FBXO10: variants seen among roughly 807,000 people sequenced by gnomAD.
FBXO10 encodes F-box only protein 10.
A neutral mutation model predicts 80.7 loss-of-function variants in FBXO10; 39 were observed. That is an observed-to-expected ratio of 0.48 (90% confidence interval 0.37 to 0.63). The LOEUF (loss-of-function observed/expected upper bound fraction) is 0.63, where lower values mean the gene tolerates loss of function less well. Among genes scored for constraint, FBXO10 ranks in the 30% least tolerant of loss-of-function variants. The pLI, the probability that FBXO10 is intolerant of heterozygous loss-of-function variation, is 0.00. For missense variants in FBXO10, 1,025 were observed against 1,269.0 expected (o/e 0.81, Z 2.92); for synonymous variants, 449 against 489.6 (o/e 0.92, Z 1.09).
chr9:37,516,036 C>T lies in FBXO10; in HGVS notation c.2564G>A (p.Arg855Gln), dbSNP rs569336061. ...CTGCACCAGGGCCTTGGCACGGCCCCGCACGGCGATGCCGTAGGCCCGGAA... is the reference window on the plus strand; with the variant it reads ...CTGCACCAGGGCCTTGGCACGGCCCTGCACGGCGATGCCGTAGGCCCGGAA... The part of the protein sequence containing the change: ...HSFRAYGIAV[R>Q]GRAKALVQEN... Residue 855 changes from arginine (R) to glutamine (Q), a missense_variant, in exon 10 of 11, where the codon CGG (arginine) becomes CAG (glutamine). Physicochemically the swap from Arg to Gln is conservative, Grantham distance 43 (BLOSUM62 1). This residue lies in a region of FBXO10 where 478 missense variants were observed against 667.8 expected (regional missense o/e 0.72). Transcript: ENST00000432825. The T allele has an allele frequency of 3.5e-5, 57 of 1,613,966 alleles. No homozygotes were observed. Among genetic ancestry groups the T allele is most frequent in the Middle Eastern group, 3.3e-4 (2 of 6,060 alleles).
chr9:37,523,424 C>T (rs932945848), intron 6 of FBXO10, among the ~76,000 whole-genome samples: 2 of 151,842 alleles, frequency 1.3e-5, no homozygotes, highest in African/African-American at 2.4e-5. Flanking sequence ...TGTGGTGGTG[C>T]GTGCCTGTAG....
chr9:37,512,511 C>T lies in FBXO10; in HGVS notation c.*36G>A. The T allele has an allele frequency of 6.3e-7, 1 of 1,594,090 alleles. No homozygotes were observed. Among genetic ancestry groups the T allele is most frequent in the Non-Finnish European group, 8.6e-7 (1 of 1,166,350 alleles). On this transcript the variant is annotated 3_prime_UTR_variant, in exon 11 of 11. Coordinates refer to ENST00000432825, the MANE Select transcript of FBXO10 (RefSeq NM_012166.3). The stretch of plus-strand genomic sequence containing the variant: ...ATTTCCACCTTAGCTCCTCTGAGCA[C>T]CCATCCAGGCTTGGCCCTGAAGCAG...
At chr9:37,560,585 A>G (rs1822453088) in intron 1 of FBXO10, among the ~76,000 whole-genome samples, 1 of 152,052 alleles carries the variant, frequency 6.6e-6, no homozygotes, top group Non-Finnish European at 1.5e-5. Context: ...ACACTAATCC[A>G]TGGAGATTCA....
intron 1 of FBXO10, among the ~76,000 whole-genome samples, chr9:37,559,099 G>A (rs575158437): frequency 6.6e-6 from 1 of 152,238 alleles, no homozygotes; most frequent in African/African-American, 2.4e-5. Context: ...ATGAGCCACC[G>A]CGCCTGGCCG....
chr9:37,542,908 C>A (rs1821962504), intron 1 of FBXO10, among the ~76,000 whole-genome samples: 1 of 152,150 alleles, frequency 6.6e-6, no homozygotes. Context: ...AAGAGGGAAC[C>A]CACCTTTGGC....
rs771929732 is a variant in FBXO10, at chr9:37,521,722, T to C, written c.2047A>G (p.Ser683Gly). 1 of 1,613,976 alleles carries C rather than the reference T, an allele frequency of 6.2e-7. No homozygotes were observed. Among genetic ancestry groups the C allele is most frequent in the South Asian group, 1.1e-5 (1 of 91,082 alleles). ...VAVFSQKDGS[S>G]ELPRGHRAQE... ...GCCCTGTGGCCTCGAGGTAACTCGC[T>C]GGAGCCATCCTTCTGGCTAAATACT... Residue 683 changes from serine to glycine, a missense_variant, in exon 8 of 11, where the codon AGC becomes GGC. Transcript: ENST00000432825.
In FBXO10 at chr9:37,566,459, GAAAAAAAA is replaced by G. The variant is rs397894696; in HGVS notation, c.-7+9744_-7+9751del. ...GACAACAAAGTGAGACTCTGTCTCG[GAAAAAAAA>G]AAAAAAAAAGTGGAAAAAAAAATCA... On this transcript the variant is annotated intron_variant, in intron 1 of 10. Coordinates refer to ENST00000432825, the MANE Select transcript of FBXO10 (RefSeq NM_012166.3). Among the ~76,000 whole-genome samples, 4 of 64,342 alleles carry G rather than the reference GAAAAAAAA, an allele frequency of 6.2e-5. No homozygotes were observed. The Admixed American group carries it at 6.3e-4, about 10-fold the overall frequency. 42.2% of individuals were successfully genotyped at this position (64,342 alleles called of 152,430 possible). A position where few individuals can be genotyped will look rare whatever the true frequency, so the allele number is the denominator to read the frequency against.
chr9:37,567,148 CTTTTTT>C (rs111249142), intron 1 of FBXO10, among the ~76,000 whole-genome samples: 1 of 136,840 alleles, frequency 7.3e-6, no homozygotes. Context: ...TTCTTTTTTT[CTTTTTT>C]TTTTTTGAGA....
intron 5 of FBXO10, among the ~76,000 whole-genome samples, 174 bp from the exon 6 acceptor site, chr9:37,525,346 T>C (rs1011802716): frequency 2.0e-5 from 3 of 152,082 alleles, no homozygotes; most frequent in Non-Finnish European, 4.4e-5. Flanking sequence ...GGGTGGAGGA[T>C]CACTTGAGCC....
chr9:37,535,196 C>G (rs1005981924), intron 3 of FBXO10, among the ~76,000 whole-genome samples: 9 of 152,246 alleles, frequency 5.9e-5, no homozygotes, highest in East Asian at 5.8e-4. Context: ...CTAACTAGAT[C>G]GACCTCCTAA....
At chr9:37,561,993 C>T (rs10116329) in intron 1 of FBXO10, among the ~76,000 whole-genome samples, 6,222 of 152,206 alleles carry the variant, frequency 0.041, 432 homozygotes, top group African/African-American at 0.14. Flanking sequence ...AACATCTCAA[C>T]GGCATGACAT....
At chr9:37,532,908 C>T (rs927425928) in intron 3 of FBXO10, among the ~76,000 whole-genome samples, 6 of 152,194 alleles carry the variant, frequency 3.9e-5, no homozygotes, top group Admixed American at 2.0e-4. Context: ...TGAGACGGCA[C>T]GGACAGTAAG....
chr9:37,564,882 G>A (rs1032994720), intron 1 of FBXO10, among the ~76,000 whole-genome samples: 21 of 152,362 alleles, frequency 1.4e-4, no homozygotes, highest in African/African-American at 5.1e-4. Context: ...TTGGGGTACT[G>A]TTGGAAAGGA....
At chr9:37,527,553 A>G (rs900556828) in intron 5 of FBXO10, among the ~76,000 whole-genome samples, 1 of 152,062 alleles carries the variant, frequency 6.6e-6, no homozygotes, top group African/African-American at 2.4e-5. Context: ...GCACAACTCA[A>G]ATGTCAGCTC....
At chr9:37,565,277 T>C (rs557238625) in intron 1 of FBXO10, among the ~76,000 whole-genome samples, 1 of 152,320 alleles carries the variant, frequency 6.6e-6, no homozygotes, top group East Asian at 1.9e-4. Context: ...TATTTCTTCA[T>C]GGCAGCGTGA....
Position 37,521,681 on chromosome 9 carries a change from G to A in FBXO10, c.2088C>T (p.Ser696=), listed in dbSNP as rs534332127. The A allele has an allele frequency of 5.6e-6, 9 of 1,613,936 alleles. No homozygotes were observed. Among genetic ancestry groups the A allele is most frequent in the African/African-American group, 5.3e-5 (4 of 75,028 alleles). The change falls in exon 8 of 11, where the codon AGC becomes AGT. Residue 696 remains serine (S), a synonymous_variant. Transcript: ENST00000432825. ...PRGHRAQENF[S]EDGDAILWET... is the part of the protein sequence containing the mutation. ...CCCAGAGGATGGCGTCCCCATCCTCGCTGAAGTTCTCTTGAGCCCTGTGGC... is the reference window on the plus strand; with the variant it reads ...CCCAGAGGATGGCGTCCCCATCCTCACTGAAGTTCTCTTGAGCCCTGTGGC...
intron 10 of FBXO10, among the ~76,000 whole-genome samples, chr9:37,513,499 C>T (rs558326686): frequency 2.0e-5 from 3 of 152,282 alleles, no homozygotes; most frequent in African/African-American, 7.2e-5. Context: ...GAATCTCCAG[C>T]ATGTTAGGCT....
At chr9:37,541,041 C>A (rs1259084972) in intron 2 of FBXO10, 143 bp downstream of exon 2, 1 of 669,206 alleles carries the variant, frequency 1.5e-6, no homozygotes, top group East Asian at 2.8e-5. Context: ...TGTTTCTCAA[C>A]TGGTTCAGCA....
At chr9:37,538,132 G>A (rs968899134) in intron 2 of FBXO10, among the ~76,000 whole-genome samples, 189 bp from the exon 3 acceptor site, 2 of 152,084 alleles carry the variant, frequency 1.3e-5, no homozygotes, top group Non-Finnish European at 2.9e-5. Flanking sequence ...AGAGAGGGAG[G>A]GAAACTGGAG....
Sources: allele counts gnomAD v4.1 joint callset (sites outside exome capture counted in the v4.1 genomes callset), GRCh38; gene constraint gnomAD v4.1.1; regional missense constraint gnomAD v4.1.1; transcripts MANE v1.5; gene names NCBI Gene and HGNC (gene_info 2026-07-23, HGNC 2026-07-21).